Variants in TOPBP1 observed in about 807,000 individuals in gnomAD.
TOPBP1 encodes the protein DNA topoisomerase II binding protein 1, also known as DNA topoisomerase 2-binding protein 1.
A neutral mutation model predicts 167.7 loss-of-function variants in TOPBP1; 28 were observed. That is an observed-to-expected ratio of 0.17 (90% CI 0.12 to 0.23). The LOEUF (loss-of-function observed/expected upper bound fraction) is 0.23, where lower values mean the gene tolerates loss of function less well. Among genes scored for constraint, TOPBP1 ranks in the 10% least tolerant of loss-of-function variants. TOPBP1 has a pLI of 1.00. For synonymous variants in TOPBP1, 598 were observed against 611.4 expected (o/e 0.98, Z 0.32); for missense variants, 1,554 against 1,809.6 (o/e 0.86, Z 2.56).
intron 6 of TOPBP1, among the ~76,000 whole-genome samples, chr3:133,653,820 C>T (rs1337079142): frequency 2.6e-5 from 4 of 151,886 alleles, no homozygotes; most frequent in African/African-American, 7.3e-5. Flanking sequence ...TTAGTAGACA[C>T]GGGGTTTCAC....
At chr3:133,632,318 T>C (rs999234546) in intron 14 of TOPBP1, among the ~76,000 whole-genome samples, 2 of 151,934 alleles carry the variant, frequency 1.3e-5, no homozygotes, top group African/African-American at 2.4e-5. Flanking sequence ...GGCAGCAGAA[T>C]TGCTTGAACC....
chr3:133,647,133 TAACC>T (rs1240069590), intron 10 of TOPBP1, among the ~76,000 whole-genome samples: 5 of 152,048 alleles, frequency 3.3e-5, no homozygotes, highest in African/African-American at 4.8e-5. Flanking sequence ...AGACCAAAAC[TAACC>T]AACCAACCAA....
At chr3:133,658,462 A>C in intron 3 of TOPBP1, among the ~76,000 whole-genome samples, 1 of 143,782 alleles carries the variant, frequency 7.0e-6, no homozygotes, top group Non-Finnish European at 1.5e-5. Flanking sequence ...GTGAGACCCT[A>C]TAACAAAAGA....
At chr3:133,619,353 T>G (rs1935009358) in intron 20 of TOPBP1, among the ~76,000 whole-genome samples, 2 of 152,176 alleles carry the variant, frequency 1.3e-5, no homozygotes, top group South Asian at 4.1e-4. Flanking sequence ...AACTGCCTCA[T>G]GTAATACAGT....
At chr3:133,656,627 G>A in intron 5 of TOPBP1, 49 bp downstream of exon 5, 1 of 1,508,624 alleles carries the variant, frequency 6.6e-7, no homozygotes, top group South Asian at 1.3e-5. Flanking sequence ...AAAAATGATT[G>A]AATGCATCAT....
At chr3:133,656,100 C>A (rs1207728217) in intron 5 of TOPBP1, among the ~76,000 whole-genome samples, 1 of 150,908 alleles carries the variant, frequency 6.6e-6, no homozygotes, top group Non-Finnish European at 1.5e-5. Flanking sequence ...GCAGGGGAAA[C>A]TGAAGTGTGC....
intron 23 of TOPBP1, 23 bp downstream of exon 23, chr3:133,616,791 G>C (rs753518694): frequency 3.0e-6 from 4 of 1,347,184 alleles, no homozygotes; most frequent in Admixed American, 3.0e-5. Flanking sequence ...GGGACATTTT[G>C]GATTTAAGTA....
intron 3 of TOPBP1, 23 bp from the exon 4 acceptor site, chr3:133,657,964 A>C: frequency 6.6e-7 from 1 of 1,519,590 alleles, no homozygotes. Context: ...GAAAAGTTTA[A>C]ATGAGTTAAG....
intron 20 of TOPBP1, among the ~76,000 whole-genome samples, 168 bp from the exon 21 acceptor site, chr3:133,618,601 T>TA (rs1303291246): frequency 1.1e-3 from 165 of 152,104 alleles, no homozygotes; most frequent in Non-Finnish European, 1.9e-3. Context: ...TTTTTTTTTT[T>TA]TAAAAAGGTT....
chr3:133,634,354 C>T (rs9881110), intron 14 of TOPBP1, among the ~76,000 whole-genome samples: 12,334 of 151,988 alleles, frequency 0.081, 515 homozygotes, highest in Middle Eastern at 0.13. Flanking sequence ...ACTAAAAATA[C>T]AAAAATTAGC....
At chr3:133,622,204 T>TTC (rs1231240911) in intron 19 of TOPBP1, among the ~76,000 whole-genome samples, 1 of 150,250 alleles carries the variant, frequency 6.7e-6, no homozygotes, top group African/African-American at 2.4e-5. Flanking sequence ...TTTTTTTTTT[T>TTC]TTGAGACAAG....
At chr3:133,653,593 A>G (rs1294534829) in intron 6 of TOPBP1, 69 bp from the exon 7 acceptor site, 9 of 1,284,704 alleles carry the variant, frequency 7.0e-6, no homozygotes, top group Non-Finnish European at 9.3e-6. Context: ...ATTACAATCT[A>G]TCTTTGCAGA....
At position 133,628,666 on chromosome 3, in the gene TOPBP1, A is replaced by G. The variant is rs973488863; in HGVS notation, c.2588T>C (p.Leu863Pro). ...CAAGTTTTTGACAATAACTTCTGAG[A>G]GTGGCGTACTCGGTTTCCTTTTCTG... ...SQQKRKPSTP[L>P]SEVIVKNLQL... The change falls in exon 15 of 28, where the codon CTC becomes CCC. Residue 863 changes from leucine to proline, a missense_variant. Coordinates refer to ENST00000260810, the MANE Select transcript of TOPBP1 (RefSeq NM_007027.4). 1 of 1,576,972 alleles carries G rather than the reference A, an allele frequency of 6.3e-7. No homozygotes were observed. The highest frequency in any genetic ancestry group is 8.6e-7 in the Non-Finnish European group (1 of 1,160,176).
rs1935172026 is a variant in TOPBP1 at position 133,623,626 on chromosome 3, G to GATTGTCCT, written c.2929-177_2929-170dup. On this transcript the variant is annotated intron_variant, in intron 17 of 27. Coordinates refer to ENST00000260810, the MANE Select transcript of TOPBP1 (RefSeq NM_007027.4). ...AAAAATTTGCATCATACAAATGACA[G>GATTGTCCT]ATTGTCCTCATGTTTTAAATGTCAT... Among the ~76,000 whole-genome samples the GATTGTCCT allele has an allele frequency of 1.3e-5, 2 of 152,284 alleles. 1 individual carries two copies. The highest frequency in any genetic ancestry group is 1.3e-4 in the Admixed American group (2 of 15,292).
chr3:133,643,930 T>C, intron 11 of TOPBP1, 90 bp downstream of exon 11: 1 of 1,306,158 alleles, frequency 7.7e-7, no homozygotes, highest in African/African-American at 1.5e-5. Flanking sequence ...ATTGATTTAC[T>C]GTAACTGAAC....
chr3:133,646,727 A>G (rs1936089383), intron 10 of TOPBP1, among the ~76,000 whole-genome samples: 1 of 152,180 alleles, frequency 6.6e-6, no homozygotes, highest in Admixed American at 6.5e-5. Flanking sequence ...GATGTGATAC[A>G]ATACTAAAGC....
chr3:133,606,210 C>A (rs1193474762), intron 27 of TOPBP1, among the ~76,000 whole-genome samples: 4 of 152,094 alleles, frequency 2.6e-5, no homozygotes, highest in South Asian at 2.1e-4. Flanking sequence ...TAATAATATA[C>A]AAAATTTATA....
At chr3:133,645,052 T>A (rs1936029325) in intron 10 of TOPBP1, among the ~76,000 whole-genome samples, 1 of 152,208 alleles carries the variant, frequency 6.6e-6, no homozygotes, top group South Asian at 2.1e-4. Flanking sequence ...CACAGTTAAG[T>A]GGCAGAAATG....
chr3:133,612,103 A>G (rs1483688802), intron 24 of TOPBP1, among the ~76,000 whole-genome samples: 1 of 150,700 alleles, frequency 6.6e-6, no homozygotes, highest in Non-Finnish European at 1.5e-5. Flanking sequence ...GTACAATGGC[A>G]TGATCTCGGC....
Sources: allele counts gnomAD v4.1 joint callset (sites outside exome capture counted in the v4.1 genomes callset), GRCh38; gene constraint gnomAD v4.1.1; transcripts MANE v1.5; gene names NCBI Gene and HGNC (gene_info 2026-07-23, HGNC 2026-07-21).